MRPS35: variants seen among roughly 807,000 people sequenced by gnomAD.
MRPS35 encodes the protein mitochondrial ribosomal protein S35.
MRPS35 carries 29 observed loss-of-function variants against 32.7 expected under a neutral mutation model. That is an observed-to-expected ratio of 0.89 (90% CI 0.66 to 1.21). The LOEUF is 1.21. MRPS35 is among the 50% of genes most tolerant of loss of function. The pLI is 0.00. For synonymous variants in MRPS35, 148 were observed against 139.3 expected (o/e 1.06, Z -0.44); for missense variants, 373 against 383.8 (o/e 0.97, Z 0.23).
intron 3 of MRPS35, among the ~76,000 whole-genome samples, chr12:27,716,960 C>T (rs561805860): frequency 6.6e-6 from 1 of 151,952 alleles, no homozygotes; most frequent in Admixed American, 6.6e-5. Flanking sequence ...CACTGCACTC[C>T]AGCCTGGGCG....
At chr12:27,755,032 T>A in intron 7 of MRPS35, 149 bp from the exon 8 acceptor site, 1 of 820,952 alleles carries the variant, frequency 1.2e-6, no homozygotes. Flanking sequence ...ACAGACAAGG[T>A]GTTGGCCAGG....
intron 7 of MRPS35, among the ~76,000 whole-genome samples, chr12:27,747,913 G>A (rs1467108710): frequency 2.0e-5 from 3 of 152,130 alleles, no homozygotes; most frequent in Non-Finnish European, 4.4e-5. Context: ...TAACACTAAC[G>A]AGCAGTGTGG....
chr12:27,745,900 A>AT (rs1020271642), intron 7 of MRPS35, among the ~76,000 whole-genome samples: 1 of 152,082 alleles, frequency 6.6e-6, no homozygotes, highest in African/African-American at 2.4e-5. Flanking sequence ...TGAACTCATC[A>AT]TTTTTTATGG....
At chr12:27,747,594 A>G (rs1427575130) in intron 7 of MRPS35, among the ~76,000 whole-genome samples, 1 of 152,180 alleles carries the variant, frequency 6.6e-6, no homozygotes, top group Non-Finnish European at 1.5e-5. Flanking sequence ...AAATGGTTAA[A>G]CTGTTTTCTC....
chr12:27,737,244 A>T (rs1298366863), intron 6 of MRPS35, among the ~76,000 whole-genome samples: 2 of 152,218 alleles, frequency 1.3e-5, no homozygotes, highest in Non-Finnish European at 2.9e-5. Context: ...TGGTGAAGGG[A>T]ACTTATATTG....
chr12:27,751,940 T>G (rs1288817082), intron 7 of MRPS35, among the ~76,000 whole-genome samples: 1 of 152,130 alleles, frequency 6.6e-6, no homozygotes, highest in Non-Finnish European at 1.5e-5. Flanking sequence ...GATTACACAC[T>G]TAGAAAATTA....
rs747615186 is a variant in MRPS35, at chr12:27,755,159, TTTTTG to T, written c.703-8_703-4del. On this transcript the variant is annotated splice_polypyrimidine_tract_variant and intron_variant, in intron 7 of 7. Transcript: ENST00000081029. Reference sequence around the variant, plus strand: ...TTTCTCAGAATTCAGAACTCATTTTTTTTTGTTTTGTTTTGTTTCAGAATACTGAA... The same window carrying T: ...TTTCTCAGAATTCAGAACTCATTTTTTTTTGTTTTGTTTCAGAATACTGAA... The T allele has an allele frequency of 3.0e-5, 44 of 1,491,356 alleles. No individual in the cohort carries two copies. The highest frequency in any genetic ancestry group is 1.3e-4 in the African/African-American group (9 of 69,342). The allele number at this position is 1,491,356 out of a possible 1,614,324, so 92.4% of individuals were successfully genotyped here.
At chr12:27,736,768 T>C (rs1480994360) in intron 6 of MRPS35, among the ~76,000 whole-genome samples, 1 of 152,226 alleles carries the variant, frequency 6.6e-6, no homozygotes, top group African/African-American at 2.4e-5. Context: ...CCATTTTAAA[T>C]ACAGCAGCAA....
intron 5 of MRPS35, among the ~76,000 whole-genome samples, chr12:27,729,886 A>G (rs1024474731): frequency 4.9e-4 from 75 of 152,358 alleles, no homozygotes; most frequent in African/African-American, 1.7e-3. Context: ...TAGTATTTGA[A>G]GTCACTGTTT....
At chr12:27,716,785 C>T (rs1007637148) in intron 3 of MRPS35, among the ~76,000 whole-genome samples, 1 of 152,026 alleles carries the variant, frequency 6.6e-6, no homozygotes, top group African/African-American at 2.4e-5. Flanking sequence ...GTCAGGAGTT[C>T]AAGACCAATC....
rs756581864 is a variant in MRPS35, at chr12:27,735,430, CTT to C, written c.523-14_523-13del. 6.5e-7 allele frequency: 1 copy of C among 1,535,840 alleles called. No homozygotes were observed. The highest frequency in any genetic ancestry group is 8.9e-7 in the Non-Finnish European group (1 of 1,125,316). ...TATATGAAATTATTTTTTCAAATAA[CTT>C]TTCTTATTTTTAAGGTAAAGCTTTC... is the stretch of plus-strand genomic sequence containing the variant. On this transcript the variant is annotated splice_polypyrimidine_tract_variant and intron_variant, in intron 5 of 7. Transcript: ENST00000081029.
Position 27,724,168 on chromosome 12 carries a change from A to G in MRPS35, c.504A>G (p.Ala168=). The G allele has an allele frequency of 6.3e-7, 1 of 1,592,152 alleles. No homozygotes were observed. The highest frequency in any genetic ancestry group is 1.2e-5 in the South Asian group (1 of 86,638). The change falls in exon 5 of 8, where the codon GCA becomes GCG. Residue 168 remains alanine, a synonymous_variant. Coordinates refer to ENST00000081029, the MANE Select transcript of MRPS35 (RefSeq NM_021821.4). ...GACCATCTGTTCGGAACCCCAGAGC[A>G]CGAGTAGTAGTCTTAAGAGTAAGAG... ...SSGPSVRNPR[A]RVVVLRVKLS...
chr12:27,737,613 G>T lies in MRPS35; in HGVS notation c.702+5G>T, dbSNP rs778190902. The stretch of plus-strand genomic sequence containing the variant: ...GTGTTATACCATGAGTCTTGGGTAA[G>T]TGTGTGTGAATATTTAATGATTTTG... On this transcript the variant is annotated splice_donor_5th_base_variant and intron_variant, in intron 7 of 7. Coordinates refer to ENST00000081029, the MANE Select transcript of MRPS35 (RefSeq NM_021821.4). The T allele has an allele frequency of 6.3e-7, 1 of 1,592,828 alleles. No homozygotes were observed. Among genetic ancestry groups the T allele is most frequent in the African/African-American group, 1.3e-5 (1 of 74,280 alleles).
At chr12:27,747,985 A>G (rs141810729) in intron 7 of MRPS35, among the ~76,000 whole-genome samples, 23 of 152,214 alleles carry the variant, frequency 1.5e-4, no homozygotes, top group African/African-American at 5.5e-4. Flanking sequence ...ACAGGTGATA[A>G]TAGTACTAAC....
intron 5 of MRPS35, among the ~76,000 whole-genome samples, chr12:27,732,088 T>A (rs2061924235): frequency 1.3e-5 from 2 of 152,216 alleles, no homozygotes; most frequent in Admixed American, 1.3e-4. Flanking sequence ...TTCATATTTT[T>A]AAGAACATAT....
At chr12:27,711,256 C>A (rs1424751244) in intron 1 of MRPS35, among the ~76,000 whole-genome samples, 1 of 152,228 alleles carries the variant, frequency 6.6e-6, no homozygotes, top group Non-Finnish European at 1.5e-5. Flanking sequence ...GCACAGGTTA[C>A]TGGTGCTGTG....
At chr12:27,748,503 TA>T (rs1453403626) in intron 7 of MRPS35, among the ~76,000 whole-genome samples, 3 of 151,696 alleles carry the variant, frequency 2.0e-5, no homozygotes, top group Non-Finnish European at 2.9e-5. Context: ...GGTGAAATTG[TA>T]AATATTTAAT....
At chr12:27,743,003 G>C (rs2061969749) in intron 7 of MRPS35, among the ~76,000 whole-genome samples, 1 of 151,852 alleles carries the variant, frequency 6.6e-6, no homozygotes. Flanking sequence ...TGGGACCACA[G>C]GCAAGTGTCA....
At chr12:27,751,052 G>A (rs1380406950) in intron 7 of MRPS35, among the ~76,000 whole-genome samples, 4 of 121,804 alleles carry the variant, frequency 3.3e-5, no homozygotes, top group East Asian at 2.8e-4. Flanking sequence ...GCAGTGAGAC[G>A]AGATCATGGC....
Sources: allele counts gnomAD v4.1 joint callset (sites outside exome capture counted in the v4.1 genomes callset), GRCh38; gene constraint gnomAD v4.1.1; transcripts MANE v1.5; gene names NCBI Gene and HGNC (gene_info 2026-07-23, HGNC 2026-07-21).